RNLS: variants seen among roughly 807,000 people sequenced by gnomAD.
RNLS encodes the protein renalase, FAD dependent amine oxidase.
RNLS carries 39 observed loss-of-function variants against 39.8 expected under a neutral mutation model. The observed-to-expected ratio is 0.98, with a 90% CI of 0.76 to 1.28. RNLS has a LOEUF of 1.28. Ranked by LOEUF, RNLS falls within the 50% of genes most tolerant of loss-of-function variation. The pLI is 0.00. For synonymous variants in RNLS, 147 were observed against 150.7 expected (o/e 0.98, Z 0.18); for missense variants, 410 against 413.3 (o/e 0.99, Z 0.07).
At chr10:88,245,407 T>A in the RNLS span, among the ~76,000 whole-genome samples, 94 of 152,216 alleles carry the variant, frequency 6.2e-4, no homozygotes, top group Middle Eastern at 6.8e-3. Context: ...AGTCTCAGAA[T>A]CAGAACACTA....
At chr10:88,220,519 A>G in the RNLS span, among the ~76,000 whole-genome samples, 1 of 152,214 alleles carries the variant, frequency 6.6e-6, no homozygotes, top group Non-Finnish European at 1.5e-5. Flanking sequence ...TCTTCCTTTG[A>G]TAGATGAGAA....
chr10:88,247,528 G>A, the RNLS span, among the ~76,000 whole-genome samples: 59 of 152,280 alleles, frequency 3.9e-4, no homozygotes, highest in African/African-American at 1.2e-3. Flanking sequence ...AGTCTCAGTC[G>A]CCTCGTCTGT....
intron 4 of RNLS, among the ~76,000 whole-genome samples, chr10:88,419,771 G>A (rs539798210): frequency 1.3e-5 from 2 of 152,092 alleles, no homozygotes; most frequent in African/African-American, 2.4e-5. Flanking sequence ...TTGAGAGGCC[G>A]AGGCGGGCGG....
At chr10:88,246,833 C>T in the RNLS span, among the ~76,000 whole-genome samples, 1 of 152,268 alleles carries the variant, frequency 6.6e-6, no homozygotes, top group Non-Finnish European at 1.5e-5. Context: ...GAGCAGACAA[C>T]CATTTTACAT....
At chr10:88,505,705 A>G (rs1364069813) in intron 4 of RNLS, among the ~76,000 whole-genome samples, 1 of 152,144 alleles carries the variant, frequency 6.6e-6, no homozygotes. Context: ...CAGAGAATAA[A>G]TCCCACAGAT....
At chr10:88,187,840 TC>T in the RNLS span, among the ~76,000 whole-genome samples, 1 of 152,254 alleles carries the variant, frequency 6.6e-6, no homozygotes, top group African/African-American at 2.4e-5. Context: ...ACTTTCTGAC[TC>T]TTTGACACAT....
chr10:88,326,950 T>C (rs1284075253), intron 5 of RNLS, among the ~76,000 whole-genome samples: 2 of 152,218 alleles, frequency 1.3e-5, no homozygotes, highest in African/African-American at 2.4e-5. Context: ...ATTGAATAGC[T>C]GCCCTGCTGG....
rs541765864 is a variant in RNLS at position 88,327,147 on chromosome 10, T to C, written c.701-12506A>G. On this transcript the variant is annotated intron_variant, in intron 5 of 6. Coordinates refer to ENST00000331772, the MANE Select transcript of RNLS (RefSeq NM_001031709.3). ...CAGATGAAACTTTGGACTTGGACATTTGGGTTTATGCTGGAATGAGTTAGT... is the reference window on the plus strand; with the variant it reads ...CAGATGAAACTTTGGACTTGGACATCTGGGTTTATGCTGGAATGAGTTAGT... Among the ~76,000 whole-genome samples, 3 of 152,224 alleles carry C rather than the reference T, an allele frequency of 2.0e-5. No individual in the cohort carries two copies. The East Asian group carries it at 5.8e-4, about 30-fold the overall frequency.
rs537852784 is a variant in RNLS at position 88,476,135 on chromosome 10, A to G, written c.526+96768T>C. Among the ~76,000 whole-genome samples the G allele has an allele frequency of 3.8e-4, 58 of 152,272 alleles. 1 individual carries two copies. The highest frequency in any genetic ancestry group is 1.3e-3 in the African/African-American group (54 of 41,576). Reference sequence around the variant, plus strand: ...TTTTATATCAGTCCCTTCCAAACCTATCTAAGGAACGGATGTGCTTTTTAT... The same window carrying G: ...TTTTATATCAGTCCCTTCCAAACCTGTCTAAGGAACGGATGTGCTTTTTAT... On this transcript the variant is annotated intron_variant, in intron 4 of 6. Transcript: ENST00000331772.
chr10:88,363,619 C>G (rs572814376), intron 4 of RNLS, among the ~76,000 whole-genome samples: 2 of 151,976 alleles, frequency 1.3e-5, no homozygotes, highest in African/African-American at 4.8e-5. Flanking sequence ...ACAAGCACAC[C>G]AAAGATGAAA....
intron 5 of RNLS, among the ~76,000 whole-genome samples, chr10:88,335,984 T>C (rs181853010): frequency 6.6e-6 from 1 of 152,336 alleles, no homozygotes; most frequent in African/African-American, 2.4e-5. Context: ...GATGAATGAA[T>C]GAGGTATCAG....
chr10:88,263,220 G>A, the RNLS span, among the ~76,000 whole-genome samples: 26 of 152,220 alleles, frequency 1.7e-4, 1 homozygote, highest in East Asian at 4.8e-3. Context: ...AAGGGGAAGT[G>A]AAATTCATGA....
At chr10:88,350,938 A>G (rs2133285144) in intron 5 of RNLS, among the ~76,000 whole-genome samples, 2 of 152,290 alleles carry the variant, frequency 1.3e-5, no homozygotes, top group South Asian at 2.1e-4. Flanking sequence ...CTGGTGTGAG[A>G]TGATATCTCA....
At chr10:88,183,279 T>A in the RNLS span, among the ~76,000 whole-genome samples, 1 of 152,154 alleles carries the variant, frequency 6.6e-6, no homozygotes, top group Non-Finnish European at 1.5e-5. Flanking sequence ...TGTTCTTCAC[T>A]TTACATTCAT....
At chr10:88,495,538 G>A (rs1193607622) in intron 4 of RNLS, among the ~76,000 whole-genome samples, 1 of 152,118 alleles carries the variant, frequency 6.6e-6, no homozygotes, top group Non-Finnish European at 1.5e-5. Flanking sequence ...TTATGTCAAA[G>A]TAATCTCCAT....
At chr10:88,475,932 A>G (rs1843800698) in intron 4 of RNLS, among the ~76,000 whole-genome samples, 1 of 152,192 alleles carries the variant, frequency 6.6e-6, no homozygotes, top group African/African-American at 2.4e-5. Context: ...TGAAAAGTTA[A>G]AAATAGCAGA....
chr10:88,395,403 A>C (rs1852499124), intron 4 of RNLS, among the ~76,000 whole-genome samples: 1 of 152,010 alleles, frequency 6.6e-6, no homozygotes, highest in Non-Finnish European at 1.5e-5. Flanking sequence ...ATAAATAGAT[A>C]GAAATATAAA....
chr10:88,446,493 A>T (rs1337596568), intron 4 of RNLS, among the ~76,000 whole-genome samples: 1 of 152,076 alleles, frequency 6.6e-6, no homozygotes, highest in African/African-American at 2.4e-5. Flanking sequence ...ATAGAGACAC[A>T]AAAAACCCTT....
chr10:88,385,038 A>G (rs1350442534), intron 4 of RNLS, among the ~76,000 whole-genome samples: 1 of 152,214 alleles, frequency 6.6e-6, no homozygotes, highest in Non-Finnish European at 1.5e-5. Flanking sequence ...AGGCTATTAT[A>G]GAGGATGATG....
Sources: allele counts gnomAD v4.1 joint callset (sites outside exome capture counted in the v4.1 genomes callset), GRCh38; gene constraint gnomAD v4.1.1; transcripts MANE v1.5; gene names NCBI Gene and HGNC (gene_info 2026-07-23, HGNC 2026-07-21).